The following MBNL2 variants were observed in gnomAD, a reference collection of about 807,000 sequenced individuals.
The protein encoded by MBNL2 is muscleblind-like protein 2.
A neutral mutation model predicts 41.9 loss-of-function variants in MBNL2; 17 were observed. The observed-to-expected ratio is 0.41, with a 90% CI of 0.28 to 0.61. MBNL2 has a LOEUF of 0.61. Among genes scored for constraint, MBNL2 ranks in the 20% least tolerant of loss-of-function variants. MBNL2 has a pLI of 0.35. For synonymous variants in MBNL2, 195 were observed against 182.9 expected (o/e 1.07, Z -0.53); for missense variants, 336 against 505.6 (o/e 0.66, Z 3.22).
Position 97,352,355 on chromosome 13 carries a change from C to T in MBNL2, c.805-4441C>T, listed in dbSNP as rs146329286. Among the ~76,000 whole-genome samples, 34 of 152,274 alleles carry T rather than the reference C, an allele frequency of 2.2e-4. No individual in the cohort carries two copies. In the East Asian group the frequency reaches 6.6e-3, roughly 29 times the overall value. ...TTTGATTTTAAGTAATAATCTGTGA[C>T]TCTTTCTTTCACTTGAACACTTAGA... On this transcript the variant is annotated intron_variant, in intron 5 of 8. Transcript: ENST00000679496.
At chr13:97,218,276 G>A (rs953056839), upstream of MBNL2, among the ~76,000 whole-genome samples, 1 of 152,006 alleles carries the variant, frequency 6.6e-6, no homozygotes, top group Non-Finnish European at 1.5e-5. Context: ...TGGGCGTGGT[G>A]GCGGGTGCCT....
chr13:97,365,221 C>T (rs1566443565), intron 8 of MBNL2, 50 bp downstream of exon 8: 3 of 1,139,872 alleles, frequency 2.6e-6, no homozygotes, highest in Non-Finnish European at 4.0e-6. Flanking sequence ...ACAATACCTT[C>T]ACTTGCTTGA....
At chr13:97,289,696 G>A (rs2055419362) in intron 2 of MBNL2, among the ~76,000 whole-genome samples, 1 of 152,192 alleles carries the variant, frequency 6.6e-6, no homozygotes, top group African/African-American at 2.4e-5. Flanking sequence ...CCAAAGGAGA[G>A]GCGAGGACCT....
At chr13:97,251,401 A>G (rs2046469949) in intron 1 of MBNL2, among the ~76,000 whole-genome samples, 1 of 151,958 alleles carries the variant, frequency 6.6e-6, no homozygotes, top group Non-Finnish European at 1.5e-5. Context: ...TGTACCCACA[A>G]AAATTAAAAA....
Position 97,287,966 on chromosome 13 carries a change from G to A in MBNL2, c.174+11557G>A, listed in dbSNP as rs187078207. ...TTTTTTTTTTTTTAGTAGAGATGGGGTTTCACGATGTTGGCCAGGTTGGTC... is the reference window on the plus strand; with the variant it reads ...TTTTTTTTTTTTTAGTAGAGATGGGATTTCACGATGTTGGCCAGGTTGGTC... On this transcript the variant is annotated intron_variant, in intron 2 of 8. Transcript: ENST00000679496. Among the ~76,000 whole-genome samples the A allele has an allele frequency of 3.7e-4, 53 of 144,056 alleles. No individual in the cohort carries two copies. In the Admixed American group the frequency reaches 3.7e-3, roughly 10 times the overall value. 94.5% of individuals were successfully genotyped at this position (144,056 alleles called of 152,430 possible).
At chr13:97,317,454 C>G (rs1479617054) in intron 2 of MBNL2, among the ~76,000 whole-genome samples, 3 of 152,328 alleles carry the variant, frequency 2.0e-5, no homozygotes, top group Non-Finnish European at 2.9e-5. Context: ...TCCCACCCTA[C>G]TGTTCCTAGG....
At chr13:97,373,542 G>C (rs1369039435) in intron 8 of MBNL2, among the ~76,000 whole-genome samples, 2 of 151,064 alleles carry the variant, frequency 1.3e-5, no homozygotes, top group Admixed American at 1.3e-4. Context: ...GGCAGTTTGA[G>C]GCTGAATTCC....
At chr13:97,329,947 A>G (rs1192942623) in intron 2 of MBNL2, among the ~76,000 whole-genome samples, 1 of 152,134 alleles carries the variant, frequency 6.6e-6, no homozygotes, top group African/African-American at 2.4e-5. Context: ...CCTGGTCTCA[A>G]TTCTGACCCT....
At chr13:97,244,109 C>A (rs1171071192) in intron 1 of MBNL2, among the ~76,000 whole-genome samples, 1 of 152,168 alleles carries the variant, frequency 6.6e-6, no homozygotes, top group Non-Finnish European at 1.5e-5. Flanking sequence ...ATGGTGGTTT[C>A]AAAGTCCTCA....
chr13:97,206,698 C>A, the MBNL2 span, among the ~76,000 whole-genome samples: 3 of 151,876 alleles, frequency 2.0e-5, no homozygotes, highest in Admixed American at 1.3e-4. Flanking sequence ...CTGATTGGAG[C>A]CTGCTCAATC....
chr13:97,375,475 G>T (rs1351939540), intron 8 of MBNL2, among the ~76,000 whole-genome samples: 1 of 152,156 alleles, frequency 6.6e-6, no homozygotes, highest in East Asian at 1.9e-4. Flanking sequence ...GACAGAGAAG[G>T]GACAGGTGAG....
chr13:97,335,412 A>G (rs1233165622), intron 3 of MBNL2, among the ~76,000 whole-genome samples: 1 of 152,094 alleles, frequency 6.6e-6, no homozygotes, highest in Non-Finnish European at 1.5e-5. Flanking sequence ...AACCTACTAA[A>G]TTAGGAGGGA....
At chr13:97,261,213 A>G (rs140307951) in intron 1 of MBNL2, among the ~76,000 whole-genome samples, 4 of 152,226 alleles carry the variant, frequency 2.6e-5, no homozygotes, top group African/African-American at 9.6e-5. Context: ...CCCATGATGG[A>G]TACAAACCCT....
Position 97,366,475 on chromosome 13 carries a change from C to A in MBNL2, c.1048+1304C>A. On this transcript the variant is annotated intron_variant, in intron 8 of 8. Coordinates refer to ENST00000679496, the MANE Select transcript of MBNL2 (RefSeq NM_001382683.1). This position sits in a 1 kb window ranked among gnomAD's most constrained non-coding sequence, Gnocchi z 4.7. Reference sequence around the variant, plus strand: ...TCCTGAAAGTACCCATGATGCACAGCGCTACGTCCGCCACTGTCTCTGCAG... The same window carrying A: ...TCCTGAAAGTACCCATGATGCACAGAGCTACGTCCGCCACTGTCTCTGCAG... 1.9e-6 allele frequency: 3 copies of A among 1,602,838 alleles called. No individual in the cohort carries two copies. Among genetic ancestry groups the A allele is most frequent in the Non-Finnish European group, 2.6e-6 (3 of 1,169,986 alleles).
the MBNL2 span, among the ~76,000 whole-genome samples, chr13:97,193,959 T>G: frequency 1.3e-5 from 2 of 152,186 alleles, no homozygotes; most frequent in Non-Finnish European, 2.9e-5. Flanking sequence ...CTGCAACAGG[T>G]CAAACTCCTC....
chr13:97,142,859 A>C, the MBNL2 span, among the ~76,000 whole-genome samples: 1 of 152,154 alleles, frequency 6.6e-6, no homozygotes, highest in Non-Finnish European at 1.5e-5. Flanking sequence ...TTTATCTTAG[A>C]CTTTTTTTTA....
the MBNL2 span, among the ~76,000 whole-genome samples, chr13:97,157,942 A>C: frequency 1.3e-5 from 2 of 148,390 alleles, no homozygotes; most frequent in African/African-American, 5.0e-5. Flanking sequence ...CTCTTTTTCT[A>C]TTGATTGGAA....
At chr13:97,202,817 G>A in the MBNL2 span, among the ~76,000 whole-genome samples, 1,894 of 152,278 alleles carry the variant, frequency 0.012, 35 homozygotes, top group African/African-American at 0.041. Flanking sequence ...CTTTTCCTCC[G>A]TTCAGCTGAG....
At chr13:97,163,147 A>G in the MBNL2 span, among the ~76,000 whole-genome samples, 38 of 152,374 alleles carry the variant, frequency 2.5e-4, no homozygotes, top group South Asian at 4.1e-4. Flanking sequence ...AAGAAGCATT[A>G]CAGCATCAGG....
Sources: gnomAD v4.1 joint callset for allele counts (sites outside exome capture counted in the v4.1 genomes callset) on GRCh38, gnomAD v4.1.1 for gene constraint, Gnocchi (gnomAD v3.1) non-coding constraint, MANE v1.5 for transcripts, NCBI Gene and HGNC (gene_info 2026-07-23, HGNC 2026-07-21) for gene names.